ZNF423: variants seen among roughly 807,000 people sequenced by gnomAD.
ZNF423 encodes zinc finger protein 423, also known as Ebf-associated zinc finger protein.
ZNF423 carries 12 observed loss-of-function variants against 95.8 expected under a neutral mutation model. The observed-to-expected ratio is 0.13, with a 90% CI of 0.08 to 0.20. ZNF423 has a LOEUF of 0.20. Among genes scored for constraint, ZNF423 ranks in the 10% least tolerant of loss-of-function variants. The pLI is 1.00. For missense variants in ZNF423, 1,316 were observed against 1,737.1 expected (o/e 0.76, Z 4.31); for synonymous variants, 749 against 711.9 (o/e 1.05, Z -0.83).
At chr16:49,606,808 G>A (rs1335021816) in intron 5 of ZNF423, among the ~76,000 whole-genome samples, 5 of 152,152 alleles carry the variant, frequency 3.3e-5, no homozygotes, top group Non-Finnish European at 7.4e-5. Flanking sequence ...AACTGACTGA[G>A]TAATGCTCCT....
intron 2 of ZNF423, chr16:49,731,249 G>A: frequency 3.3e-6 from 3 of 897,478 alleles, no homozygotes; most frequent in Non-Finnish European, 4.0e-6. Flanking sequence ...ACCCATCGGA[G>A]AGGTGAAAAA....
chr16:49,761,364 T>C (rs932023018), intron 2 of ZNF423, among the ~76,000 whole-genome samples: 2 of 152,194 alleles, frequency 1.3e-5, no homozygotes, highest in African/African-American at 4.8e-5. Flanking sequence ...CCTGCTCCCA[T>C]GCCACGGCAG....
At chr16:49,825,747 C>A (rs985248880) in intron 1 of ZNF423, among the ~76,000 whole-genome samples, 7 of 152,200 alleles carry the variant, frequency 4.6e-5, no homozygotes, top group African/African-American at 1.7e-4. Context: ...CTGGAAAAAT[C>A]ACACCTCAAT....
At chr16:49,531,939 C>T (rs149040513) in intron 5 of ZNF423, among the ~76,000 whole-genome samples, 31 of 152,252 alleles carry the variant, frequency 2.0e-4, no homozygotes, top group African/African-American at 7.2e-4. Flanking sequence ...TAAAGGTGCC[C>T]CCGTGTTTGG....
Position 49,759,400 on chromosome 16 carries a change from GA to G in ZNF423, c.101-28430del, listed in dbSNP as rs1285908224. Among the ~76,000 whole-genome samples, 242 of 132,574 alleles carry G rather than the reference GA, an allele frequency of 1.8e-3. 3 individuals carry two copies. The highest frequency in any genetic ancestry group is 0.015 in the Admixed American group (199 of 13,398). 87.0% of individuals were successfully genotyped at this position (132,574 alleles called of 152,430 possible). The stretch of plus-strand genomic sequence containing the variant: ...GGTGACAGGGCGAGACGCCACCTCA[GA>G]AAAAAAAAAAAGGAAAGCTTGCTAT... On this transcript the variant is annotated intron_variant, in intron 2 of 7. Coordinates refer to ENST00000563137, the MANE Select transcript of ZNF423 (RefSeq NM_001379286.1).
At chr16:49,725,046 C>T (rs866900725) in intron 3 of ZNF423, among the ~76,000 whole-genome samples, 8 of 152,296 alleles carry the variant, frequency 5.3e-5, no homozygotes, top group Non-Finnish European at 8.8e-5. Flanking sequence ...TTTACTGACA[C>T]GATCTGTAAC....
intron 3 of ZNF423, among the ~76,000 whole-genome samples, chr16:49,642,872 G>C (rs1973029231): frequency 6.7e-6 from 1 of 148,336 alleles, no homozygotes; most frequent in African/African-American, 2.5e-5. Flanking sequence ...CCAGGCCAGA[G>C]TGCAGTGGTG....
At chr16:49,501,042 G>A (rs1189346028) in intron 7 of ZNF423, among the ~76,000 whole-genome samples, 1 of 152,176 alleles carries the variant, frequency 6.6e-6, no homozygotes, top group Non-Finnish European at 1.5e-5. Flanking sequence ...CCTGTCAGCA[G>A]GGGTACCAAT....
chr16:49,668,880 C>G (rs959153006), intron 3 of ZNF423, among the ~76,000 whole-genome samples: 3 of 152,188 alleles, frequency 2.0e-5, no homozygotes, highest in African/African-American at 7.2e-5. Context: ...CTCTGAGTCA[C>G]AAACCTCAAC....
intron 2 of ZNF423, among the ~76,000 whole-genome samples, chr16:49,734,820 A>G (rs1380636238): frequency 2.0e-5 from 3 of 152,242 alleles, no homozygotes; most frequent in African/African-American, 4.8e-5. Flanking sequence ...TTGCCCAGGC[A>G]TGCCCCAAGA....
At chr16:49,631,635 G>T (rs1006877949) in intron 4 of ZNF423, among the ~76,000 whole-genome samples, 1 of 152,210 alleles carries the variant, frequency 6.6e-6, no homozygotes, top group Non-Finnish European at 1.5e-5. Context: ...CGGGCAGGAA[G>T]AAAACACACT....
chr16:49,495,374 A>C (rs1398474021), intron 7 of ZNF423, among the ~76,000 whole-genome samples: 1 of 152,170 alleles, frequency 6.6e-6, no homozygotes, highest in African/African-American at 2.4e-5. Context: ...TGTGCTGCCT[A>C]TGCTGGGGGC....
At chr16:49,757,443 T>G (rs1245889735) in intron 2 of ZNF423, among the ~76,000 whole-genome samples, 1 of 152,212 alleles carries the variant, frequency 6.6e-6, no homozygotes, top group Admixed American at 6.5e-5. Flanking sequence ...CAGCAAGGCT[T>G]GATCAGCCAC....
upstream of ZNF423, chr16:49,858,063 C>T (rs1165046291): frequency 6.6e-6 from 1 of 152,248 alleles, no homozygotes; most frequent in African/African-American, 2.4e-5. The surrounding 1 kb of genome is among the most constrained non-coding windows in gnomAD (Gnocchi z 4.3). Context: ...CGGCGCGCCC[C>T]GGAGCCAGGA....
intron 5 of ZNF423, among the ~76,000 whole-genome samples, chr16:49,545,843 C>T (rs1260333921): frequency 6.6e-6 from 1 of 152,188 alleles, no homozygotes; most frequent in East Asian, 1.9e-4. Flanking sequence ...CAGCTAAACA[C>T]TTTACATCTG....
At chr16:49,594,428 A>T (rs147829463) in intron 5 of ZNF423, among the ~76,000 whole-genome samples, 1,578 of 152,074 alleles carry the variant, frequency 0.01, 12 homozygotes, top group Non-Finnish European at 0.015. Context: ...TCTCACACAG[A>T]CACACACACA....
chr16:49,759,215 C>T (rs11866750), intron 2 of ZNF423, among the ~76,000 whole-genome samples: 12,378 of 152,112 alleles, frequency 0.081, 553 homozygotes, highest in Middle Eastern at 0.15. Context: ...TTGGCCAACA[C>T]GGTGAAACCC....
intron 3 of ZNF423, among the ~76,000 whole-genome samples, chr16:49,680,501 C>T (rs9930777): frequency 0.013 from 2,008 of 152,352 alleles, 21 homozygotes; most frequent in African/African-American, 0.025. Context: ...TGCAGCCCTT[C>T]GGTGAGCCCA....
intron 3 of ZNF423, among the ~76,000 whole-genome samples, chr16:49,666,024 C>G (rs893953241): frequency 3.9e-5 from 6 of 152,164 alleles, no homozygotes; most frequent in Admixed American, 3.9e-4. Context: ...CAGAACTGCG[C>G]AGGCCAATGT....
Sources: allele counts gnomAD v4.1 joint callset (sites outside exome capture counted in the v4.1 genomes callset), GRCh38; gene constraint gnomAD v4.1.1; non-coding constraint Gnocchi (gnomAD v3.1); transcripts MANE v1.5; gene names NCBI Gene and HGNC (gene_info 2026-07-23, HGNC 2026-07-21).